Variants in TBC1D32 observed in about 807,000 individuals in gnomAD.
The protein encoded by TBC1D32 is TBC1 domain family member 32.
A neutral mutation model predicts 170.3 loss-of-function variants in TBC1D32; 151 were observed. That is an observed-to-expected ratio of 0.89 (90% CI 0.78 to 1.01). The LOEUF is 1.01. Ranked by LOEUF, TBC1D32 falls within the 50% of genes least tolerant of loss-of-function variation. TBC1D32 has a pLI of 0.00. For missense variants in TBC1D32, 1,464 were observed against 1,457.1 expected, an observed-to-expected ratio of 1.00 and a Z score of -0.08; for synonymous variants, 498 against 488.0, an observed-to-expected ratio of 1.02 and a Z score of -0.27.
At chr6:121,276,819 T>C (rs1418520579) in intron 15 of TBC1D32, among the ~76,000 whole-genome samples, 1 of 152,042 alleles carries the variant, frequency 6.6e-6, no homozygotes, top group East Asian at 1.9e-4. Flanking sequence ...AAAAGGAACA[T>C]TAAATAACAA....
intron 9 of TBC1D32, among the ~76,000 whole-genome samples, chr6:121,300,161 T>C (rs1806249006): frequency 6.6e-6 from 1 of 152,126 alleles, no homozygotes; most frequent in African/African-American, 2.4e-5. Flanking sequence ...ATAAAAATAT[T>C]GGCCGGGCAC....
chr6:121,269,677 C>A lies in TBC1D32; in HGVS notation c.1733+9444G>T, dbSNP rs536372791. ...CAATAATAATGGGAGACTTTAACAC[C>A]CCACTGTCAACATTAGACAGATCAA... On this transcript the variant is annotated intron_variant, in intron 15 of 31. Transcript: ENST00000398212. 4.0e-4 allele frequency among the ~76,000 whole-genome samples: 61 copies of A among 152,152 alleles called. No homozygotes were observed. In the Middle Eastern group the frequency reaches 0.01, roughly 25 times the overall value.
intron 26 of TBC1D32, chr6:121,115,460 CAT>C (rs1582832717): frequency 2.5e-6 from 1 of 392,878 alleles, no homozygotes; most frequent in Non-Finnish European, 4.6e-6. Flanking sequence ...CATTGGAAAA[CAT>C]ATTAAATACA....
intron 30 of TBC1D32, among the ~76,000 whole-genome samples, chr6:121,091,982 A>G (rs1776853416): frequency 6.6e-6 from 1 of 152,182 alleles, no homozygotes; most frequent in Non-Finnish European, 1.5e-5. Context: ...AAGAAGCAAT[A>G]TGTATCTGCA....
intron 21 of TBC1D32, 139 bp from the exon 22 acceptor site, chr6:121,205,302 A>G: frequency 2.3e-6 from 1 of 437,546 alleles, no homozygotes; most frequent in Non-Finnish European, 4.1e-6. Context: ...AAATAATAAG[A>G]AGAAGAAGAA....
intron 22 of TBC1D32, among the ~76,000 whole-genome samples, chr6:121,172,141 C>G (rs1005481467): frequency 6.6e-6 from 1 of 152,050 alleles, no homozygotes; most frequent in African/African-American, 2.4e-5. Flanking sequence ...GTAAGATGTG[C>G]CTTTCACCTT....
intron 15 of TBC1D32, among the ~76,000 whole-genome samples, chr6:121,275,643 C>T (rs1334589432): frequency 2.0e-5 from 3 of 152,106 alleles, no homozygotes; most frequent in Admixed American, 6.5e-5. Context: ...CCTCGTACTT[C>T]CCATAGACTG....
At chr6:121,140,331 CAAA>C (rs57301815) in intron 24 of TBC1D32, among the ~76,000 whole-genome samples, 17 of 135,940 alleles carry the variant, frequency 1.3e-4, no homozygotes, top group Admixed American at 2.9e-4. Flanking sequence ...CAGGTTGGGG[CAAA>C]AAAAAAAAAA....
At chr6:121,255,519 T>TG in intron 16 of TBC1D32, 109 bp from the exon 17 acceptor site, 3 of 73,584 alleles carry the variant, frequency 4.1e-5, no homozygotes, top group Admixed American at 1.7e-4. Flanking sequence ...TATAATTATA[T>TG]TTTATATTTC....
chr6:121,201,580 C>T (rs1791567103), intron 22 of TBC1D32, among the ~76,000 whole-genome samples: 2 of 151,210 alleles, frequency 1.3e-5, no homozygotes, highest in South Asian at 4.2e-4. Flanking sequence ...AAATAATGAC[C>T]CCTGGAGAGA....
At chr6:121,137,221 C>T (rs1023976304) in intron 24 of TBC1D32, among the ~76,000 whole-genome samples, 1 of 151,892 alleles carries the variant, frequency 6.6e-6, no homozygotes, top group African/African-American at 2.4e-5. Flanking sequence ...ACTCACAATG[C>T]TTTATTTTTA....
rs763925354 is a variant in TBC1D32 at position 121,321,733 on chromosome 6, C to T, written c.217G>A (p.Glu73Lys). The change falls in exon 2 of 32, where the codon GAA becomes AAA. Residue 73 changes from glutamate to lysine, a missense_variant. Transcript: ENST00000398212. ...IGNTLGSMIE[E>K]EMEKCTSDRN... ...TCAGATGTGCATTTTTCCATTTCTT[C>T]TTCAATCATAGAACCCAAAGTGTTG... The T allele has an allele frequency of 1.2e-5, 19 of 1,613,828 alleles. No individual in the cohort carries two copies. The East Asian group carries it at 3.6e-4, about 30-fold the overall frequency.
chr6:121,309,769 C>T (rs1016331372), intron 4 of TBC1D32, among the ~76,000 whole-genome samples: 1 of 152,232 alleles, frequency 6.6e-6, no homozygotes, highest in East Asian at 1.9e-4. Context: ...CACAGTGGCT[C>T]ACACTTATAA....
intron 29 of TBC1D32, among the ~76,000 whole-genome samples, chr6:121,107,162 A>G (rs1226090625): frequency 6.6e-6 from 1 of 151,966 alleles, no homozygotes; most frequent in African/African-American, 2.4e-5. Context: ...AATAAAGTTA[A>G]TGCTTTTAAA....
rs779553602 is a variant in TBC1D32 at position 121,241,571 on chromosome 6, A to T, written c.2158-19T>A. On this transcript the variant is annotated intron_variant, in intron 18 of 31. Coordinates refer to ENST00000398212, the MANE Select transcript of TBC1D32 (RefSeq NM_152730.6). ...TGCTGACCTAACAGCATAAATAAGG[A>T]ACAGCAATGAAAAGCAACAAAACAT... 92 of 1,603,560 alleles carry T rather than the reference A, an allele frequency of 5.7e-5. 1 individual carries two copies. In the Admixed American group the frequency reaches 1.5e-3, roughly 27 times the overall value.
In TBC1D32 at chr6:121,113,101, A is replaced by C; in HGVS notation, c.3130T>G (p.Phe1044Val). The part of the protein sequence containing the change: ...LTWVLKHCER[F>V]LKQQQTSIKS... ...ATGGAAGTTTGCTGCTGTTTCAGGA[A>C]TCTCTCACAATGCTTTAAAACCCAG... The change falls in exon 28 of 32, where the codon TTC becomes GTC. Residue 1044 changes from phenylalanine to valine, a missense_variant. Physicochemically the swap from Phe to Val is conservative, Grantham distance 50. Coordinates refer to ENST00000398212, the MANE Select transcript of TBC1D32 (RefSeq NM_152730.6). 1 of 1,611,374 alleles carries C rather than the reference A, an allele frequency of 6.2e-7. No individual in the cohort carries two copies. The highest frequency in any genetic ancestry group is 8.5e-7 in the Non-Finnish European group (1 of 1,178,914).
At chr6:121,195,354 G>GA (rs2128292430) in intron 22 of TBC1D32, among the ~76,000 whole-genome samples, 1 of 152,286 alleles carries the variant, frequency 6.6e-6, no homozygotes, top group Non-Finnish European at 1.5e-5. Flanking sequence ...TAGGATTTTG[G>GA]AAAGTCCCTA....
intron 30 of TBC1D32, 145 bp downstream of exon 30, chr6:121,105,878 A>C: frequency 6.7e-5 from 54 of 800,572 alleles, no homozygotes; most frequent in Non-Finnish European, 7.6e-5. Flanking sequence ...TTACATCATA[A>C]CAGGCCTGGG....
At chr6:121,330,075 T>C (rs1438699749) in intron 1 of TBC1D32, among the ~76,000 whole-genome samples, 1 of 152,294 alleles carries the variant, frequency 6.6e-6, no homozygotes, top group East Asian at 1.9e-4. Flanking sequence ...TTGTTTTATT[T>C]TGTGACAGGG....
Sources: gnomAD v4.1 joint callset for allele counts (sites outside exome capture counted in the v4.1 genomes callset) on GRCh38, gnomAD v4.1.1 for gene constraint, MANE v1.5 for transcripts, NCBI Gene and HGNC (gene_info 2026-07-23, HGNC 2026-07-21) for gene names.